Variants in MYO5C observed in about 807,000 individuals in gnomAD.
MYO5C encodes myosin VC.
A neutral mutation model predicts 235.7 loss-of-function variants in MYO5C; 194 were observed. The observed-to-expected ratio is 0.82, with a 90% CI of 0.73 to 0.93. The LOEUF (loss-of-function observed/expected upper bound fraction) is 0.93. MYO5C is among the 40% of genes least tolerant of loss of function. MYO5C has a pLI of 0.00. For missense variants in MYO5C, 2,038 were observed against 2,127.2 expected, an observed-to-expected ratio of 0.96 and a Z score of 0.82; for synonymous variants, 707 against 754.8, an observed-to-expected ratio of 0.94 and a Z score of 1.04.
In MYO5C at chr15:52,247,523, C is replaced by A; in HGVS notation, c.1816G>T (p.Val606Phe). The change falls in exon 15 of 41, where the codon GTT (valine) becomes TTT (phenylalanine). Residue 606 changes from valine (V) to phenylalanine (F), a missense_variant. Physicochemically the swap from Val to Phe is conservative, Grantham distance 50. Transcript: ENST00000261839. ...TTGATGACTTGCTTTGCAGATTTAA[C>A]TGTAATCATTGAACCAAAAGGAGAA... ...PPSPFGSMIT[V>F]KSAKQVIKPN... is the part of the protein sequence containing the mutation. The A allele has an allele frequency of 6.2e-7, 1 of 1,614,170 alleles. No individual in the cohort carries two copies. The highest frequency in any genetic ancestry group is 8.5e-7 in the Non-Finnish European group (1 of 1,180,018).
At chr15:52,216,482 G>T (rs1412057075) in intron 32 of MYO5C, among the ~76,000 whole-genome samples, 3 of 152,046 alleles carry the variant, frequency 2.0e-5, no homozygotes, top group Admixed American at 1.3e-4. Flanking sequence ...TAAAGTGCTG[G>T]GATTACAGGC....
chr15:52,247,579 G>C lies in MYO5C; in HGVS notation c.1760C>G (p.Ala587Gly), dbSNP rs200219127. 144 of 1,614,092 alleles carry C rather than the reference G, an allele frequency of 8.9e-5. No homozygotes were observed. The highest frequency in any genetic ancestry group is 1.2e-4 in the Non-Finnish European group (140 of 1,179,996). Residue 587 changes from alanine to glycine, a missense_variant, in exon 15 of 41, where the codon GCC (alanine) becomes GGC (glycine). Transcript: ENST00000261839. ...AGTTGGATTTTCTTGAAAAAAGTTG[G>C]CACAGAGATGAAACTGGAAGGAACA... ...ILRASKFHLC[A>G]NFFQENPTPP...
intron 23 of MYO5C, among the ~76,000 whole-genome samples, chr15:52,233,583 C>G (rs1158706331): frequency 1.3e-5 from 2 of 152,166 alleles, no homozygotes; most frequent in Non-Finnish European, 2.9e-5. Context: ...AACCACTCAT[C>G]TGTGATAACC....
intron 16 of MYO5C, 104 bp downstream of exon 16, chr15:52,246,813 C>T: frequency 2.4e-6 from 2 of 817,964 alleles, no homozygotes; most frequent in South Asian, 1.8e-5. Flanking sequence ...TAAAAAAAAA[C>T]CCAGAAACAG....
At chr15:52,278,185 A>G (rs1479400412) in intron 4 of MYO5C, among the ~76,000 whole-genome samples, 1 of 152,232 alleles carries the variant, frequency 6.6e-6, no homozygotes, top group South Asian at 2.1e-4. Context: ...AAGACACTGA[A>G]GCCAAAAGTG....
chr15:52,241,634 G>C (rs2036224433), intron 20 of MYO5C, among the ~76,000 whole-genome samples: 1 of 152,134 alleles, frequency 6.6e-6, no homozygotes, highest in African/African-American at 2.4e-5. Flanking sequence ...TGTATATCCT[G>C]TCTGTTAGGT....
intron 10 of MYO5C, among the ~76,000 whole-genome samples, chr15:52,258,027 GGCTGGGC>G (rs2036618634): frequency 6.6e-6 from 1 of 152,200 alleles, no homozygotes; most frequent in East Asian, 1.9e-4. Flanking sequence ...GCAAGGCCAG[GGCTGGGC>G]CTGGGGGAAG....
At chr15:52,214,441 G>A (rs905572178) in intron 33 of MYO5C, among the ~76,000 whole-genome samples, 162 bp downstream of exon 33, 5 of 152,174 alleles carry the variant, frequency 3.3e-5, no homozygotes, top group African/African-American at 1.2e-4. Flanking sequence ...CTGTCTTCCT[G>A]ACCCAAAGGA....
In MYO5C at chr15:52,208,576, A is replaced by G. The variant is rs771161538; in HGVS notation, c.4364T>C (p.Leu1455Pro). The change falls in exon 36 of 41, where the codon CTG becomes CCG. Residue 1455 changes from leucine to proline, a missense_variant. Leu to Pro is a moderately conservative substitution (Grantham distance 98). Coordinates refer to ENST00000261839, the MANE Select transcript of MYO5C (RefSeq NM_018728.4). ...LSNTCHFLNCLKQYSGEEEFM... is the reference protein window; with the variant it reads ...LSNTCHFLNCPKQYSGEEEFM... ...TACCTCTTCTCCGCTGTACTGCTTCAGGCAATTGAGAAAATGACAAGTGTT... is the reference window on the plus strand; with the variant it reads ...TACCTCTTCTCCGCTGTACTGCTTCGGGCAATTGAGAAAATGACAAGTGTT... The G allele has an allele frequency of 3.7e-6, 6 of 1,614,080 alleles. No homozygotes were observed. In the Admixed American group the frequency reaches 6.7e-5, roughly 18 times the overall value.
At chr15:52,258,423 C>G (rs1412637690) in intron 10 of MYO5C, among the ~76,000 whole-genome samples, 2 of 152,140 alleles carry the variant, frequency 1.3e-5, no homozygotes, top group African/African-American at 4.8e-5. Context: ...ACCCCCAGAC[C>G]CAGGTTTTTC....
intron 2 of MYO5C, 78 bp from the exon 3 acceptor site, chr15:52,279,752 T>C (rs2037128053): frequency 4.4e-6 from 6 of 1,358,382 alleles, no homozygotes; most frequent in Non-Finnish European, 5.0e-6. Flanking sequence ...TCCTTTGTCC[T>C]ATCCACCCCT....
intron 26 of MYO5C, 107 bp from the exon 27 acceptor site, chr15:52,225,245 A>G: frequency 7.9e-7 from 1 of 1,269,090 alleles, no homozygotes; most frequent in Admixed American, 1.9e-5. Context: ...CCAGCTAAAT[A>G]ACTCACCAGC....
chr15:52,213,277 A>G lies in MYO5C; in HGVS notation c.4052T>C (p.Val1351Ala). The change falls in exon 34 of 41, where the codon GTG (valine) becomes GCG (alanine). Residue 1351 changes from valine (V) to alanine (A), a missense_variant. Val to Ala is a moderately conservative substitution (Grantham distance 64). Coordinates refer to ENST00000261839, the MANE Select transcript of MYO5C (RefSeq NM_018728.4). ...LSKTIGKANDVHSSSGPKEYL... is the reference protein window; with the variant it reads ...LSKTIGKANDAHSSSGPKEYL... ...CTCCTTGGGTCCTGAGGACGAGTGC[A>G]CATCATTGGCTGTAGACAGAGGCAA... 1 of 1,613,572 alleles carries G rather than the reference A, an allele frequency of 6.2e-7. No individual in the cohort carries two copies. Among genetic ancestry groups the G allele is most frequent in the Non-Finnish European group, 8.5e-7 (1 of 1,179,538 alleles).
intron 25 of MYO5C, 31 bp from the exon 26 acceptor site, chr15:52,225,563 A>C (rs1244153405): frequency 6.8e-7 from 1 of 1,475,306 alleles, no homozygotes; most frequent in Non-Finnish European, 9.5e-7. Context: ...AATCAGGTAA[A>C]GAAAAAACAA....
At chr15:52,290,932 C>T (rs1045354240) in intron 1 of MYO5C, among the ~76,000 whole-genome samples, 1 of 152,130 alleles carries the variant, frequency 6.6e-6, no homozygotes, top group Non-Finnish European at 1.5e-5. Context: ...CATTATGTGT[C>T]AGGTGCTGTG....
intron 1 of MYO5C, among the ~76,000 whole-genome samples, chr15:52,287,763 G>A (rs944930252): frequency 3.3e-5 from 5 of 152,180 alleles, no homozygotes; most frequent in African/African-American, 9.7e-5. Context: ...GATCACCTGA[G>A]ATTGGGAGAT....
At chr15:52,254,427 G>A (rs999912640) in intron 11 of MYO5C, among the ~76,000 whole-genome samples, 3 of 152,144 alleles carry the variant, frequency 2.0e-5, no homozygotes, top group African/African-American at 4.8e-5. Flanking sequence ...AGAAAGTCAC[G>A]TGGAGGGTAA....
intron 22 of MYO5C, 22 bp downstream of exon 22, chr15:52,237,460 G>A (rs777925780): frequency 1.9e-5 from 30 of 1,608,778 alleles, no homozygotes; most frequent in South Asian, 1.3e-4. Flanking sequence ...TTTCCATCCC[G>A]TCTCACACGC....
In MYO5C at chr15:52,244,375, G is replaced by A. The variant is rs189764725; in HGVS notation, c.2371C>T (p.Arg791Trp). Reference protein sequence around the residue: ...RAALIIQQYFRGQQTVRKAIT... With the variant: ...RAALIIQQYFWGQQTVRKAIT... The stretch of plus-strand genomic sequence containing the variant: ...ACATACCTCACAGTTTGCTGACCCC[G>A]GAAGTACTGCTGGATTATCAGGGCG... Residue 791 changes from arginine (R) to tryptophan (W), a missense_variant, in exon 19 of 41, where the codon CGG becomes TGG. Physicochemically the swap from Arg to Trp is moderately radical, Grantham distance 101. Transcript: ENST00000261839. 2.2e-5 allele frequency: 35 copies of A among 1,613,480 alleles called. No individual in the cohort carries two copies. The highest frequency in any genetic ancestry group is 6.7e-5 in the East Asian group (3 of 44,872).
Sources: allele counts gnomAD v4.1 joint callset (sites outside exome capture counted in the v4.1 genomes callset), GRCh38; gene constraint gnomAD v4.1.1; transcripts MANE v1.5; gene names NCBI Gene and HGNC (gene_info 2026-07-23, HGNC 2026-07-21).